Variants in CNTNAP2 observed in about 807,000 individuals in gnomAD.
CNTNAP2 encodes the protein contactin-associated protein-like 2.
In CNTNAP2, 98 loss-of-function variants were observed where a neutral mutation model predicts 155.2. The ratio of observed to expected loss-of-function variants is 0.63; its 90% confidence interval spans 0.54 to 0.75. The LOEUF is 0.75. Ranked by LOEUF, CNTNAP2 falls within the 30% of genes least tolerant of loss-of-function variation. The probability of loss-of-function intolerance (pLI) is 0.00; values close to 1 mark genes in which losing one functional copy is unlikely to be tolerated. For synonymous variants in CNTNAP2, 651 were observed against 631.2 expected, an observed-to-expected ratio of 1.03 and a Z score of -0.47; for missense variants, 1,727 against 1,688.1, an observed-to-expected ratio of 1.02 and a Z score of -0.40.
At chr7:146,475,905 T>G (rs780598187) in intron 1 of CNTNAP2, among the ~76,000 whole-genome samples, 8 of 152,132 alleles carry the variant, frequency 5.3e-5, no homozygotes, top group Admixed American at 1.3e-4. Context: ...GCTGAAGAAT[T>G]TAGTTTTCAA....
intron 12 of CNTNAP2, among the ~76,000 whole-genome samples, chr7:147,619,074 T>C (rs1801346045): frequency 6.6e-6 from 1 of 152,144 alleles, no homozygotes; most frequent in African/African-American, 2.4e-5. Context: ...TACAACAAAA[T>C]AAATTGTGAC....
chr7:147,855,427 T>G (rs960698193), intron 13 of CNTNAP2, among the ~76,000 whole-genome samples: 1 of 152,148 alleles, frequency 6.6e-6, no homozygotes, highest in Non-Finnish European at 1.5e-5. Context: ...CCTGGATGCT[T>G]CTTCTCCTAC....
chr7:146,946,785 C>A (rs962093509), intron 3 of CNTNAP2, among the ~76,000 whole-genome samples: 2 of 151,956 alleles, frequency 1.3e-5, no homozygotes, highest in African/African-American at 4.8e-5. Context: ...TCTTGGAAAG[C>A]ATTTTCTACA....
chr7:147,168,403 G>A (rs994396604), intron 8 of CNTNAP2, among the ~76,000 whole-genome samples: 11 of 151,840 alleles, frequency 7.2e-5, no homozygotes, highest in African/African-American at 2.7e-4. Flanking sequence ...AGTAAATATG[G>A]ATTTTCTCCT....
intron 1 of CNTNAP2, among the ~76,000 whole-genome samples, chr7:146,712,169 C>CT (rs1459167781): frequency 1.7e-5 from 2 of 115,030 alleles, no homozygotes; most frequent in Admixed American, 1.7e-4. Flanking sequence ...CTTATGTATA[C>CT]AAATATGTAT....
intron 13 of CNTNAP2, among the ~76,000 whole-genome samples, chr7:147,654,808 CTT>C (rs1186575442): frequency 3.1e-5 from 3 of 97,308 alleles, no homozygotes; most frequent in African/African-American, 4.4e-5. Context: ...AAATATATTT[CTT>C]TTTTTTTTTT....
chr7:148,065,730 T>C (rs1198134814), intron 15 of CNTNAP2, among the ~76,000 whole-genome samples: 1 of 152,192 alleles, frequency 6.6e-6, no homozygotes, highest in Non-Finnish European at 1.5e-5. Flanking sequence ...TGAATTCTTA[T>C]CCATTCTGCA....
At chr7:147,581,430 T>C (rs1334484150) in intron 12 of CNTNAP2, among the ~76,000 whole-genome samples, 1 of 152,238 alleles carries the variant, frequency 6.6e-6, no homozygotes, top group Non-Finnish European at 1.5e-5. Context: ...CCATGCTGTA[T>C]AGACAATTCC....
intron 1 of CNTNAP2, among the ~76,000 whole-genome samples, chr7:146,695,424 AT>A (rs974295938): frequency 6.6e-6 from 1 of 151,668 alleles, no homozygotes; most frequent in South Asian, 2.1e-4. Flanking sequence ...TTAATTAATT[AT>A]TTTTTTTGAG....
intron 13 of CNTNAP2, among the ~76,000 whole-genome samples, chr7:147,791,427 G>T (rs1797816779): frequency 1.4e-5 from 2 of 147,120 alleles, no homozygotes; most frequent in Admixed American, 6.7e-5. Context: ...TCTTTCTCTG[G>T]CCTTCTGTTT....
intron 1 of CNTNAP2, among the ~76,000 whole-genome samples, chr7:146,408,347 C>T (rs767698801): frequency 2.6e-5 from 4 of 152,024 alleles, no homozygotes; most frequent in African/African-American, 9.7e-5. Flanking sequence ...AAAATGTACA[C>T]AACAAGCAGC....
chr7:146,226,722 T>C (rs115010784), intron 1 of CNTNAP2, among the ~76,000 whole-genome samples: 2,107 of 152,116 alleles, frequency 0.014, 52 homozygotes, highest in African/African-American at 0.048. Context: ...GGAAGTAGTA[T>C]GAATGGTAGG....
At chr7:147,183,652 A>G (rs1424892812) in intron 8 of CNTNAP2, among the ~76,000 whole-genome samples, 4 of 151,944 alleles carry the variant, frequency 2.6e-5, no homozygotes, top group African/African-American at 9.7e-5. Context: ...CCTATTCCCT[A>G]TTTTCTTAGT....
intron 8 of CNTNAP2, among the ~76,000 whole-genome samples, chr7:147,254,793 T>G (rs976807321): frequency 1.3e-5 from 2 of 152,174 alleles, no homozygotes; most frequent in Admixed American, 6.5e-5. Context: ...AAATTCTCAT[T>G]GGGGGCACTG....
chr7:146,629,723 A>T (rs347216), intron 1 of CNTNAP2, among the ~76,000 whole-genome samples: 99,103 of 151,960 alleles, frequency 0.65, 33,753 homozygotes, highest in African/African-American at 0.82. Flanking sequence ...TGCAGATTAT[A>T]TGTTACATGG....
rs184689914 is a variant in CNTNAP2 at position 146,981,337 on chromosome 7, A to C, written c.403-62570A>C. Among the ~76,000 whole-genome samples, 9 of 152,350 alleles carry C rather than the reference A, an allele frequency of 5.9e-5. No homozygotes were observed. In the East Asian group the frequency reaches 1.7e-3, roughly 29 times the overall value. Reference sequence around the variant, plus strand: ...TGTAAATTTTGGGATAGAAAAATAGATGAGAACAGTAGAAAACAAGTACAT... The same window carrying C: ...TGTAAATTTTGGGATAGAAAAATAGCTGAGAACAGTAGAAAACAAGTACAT... On this transcript the variant is annotated intron_variant, in intron 3 of 23. Coordinates refer to ENST00000361727, the MANE Select transcript of CNTNAP2 (RefSeq NM_014141.6).
intron 13 of CNTNAP2, among the ~76,000 whole-genome samples, chr7:147,649,830 AG>A (rs2116939193): frequency 1.3e-5 from 2 of 152,188 alleles, no homozygotes; most frequent in South Asian, 4.1e-4. Context: ...GAATAAAAAA[AG>A]GGATAATCAT....
chr7:146,622,227 A>G lies in CNTNAP2; in HGVS notation c.98-152044A>G, dbSNP rs1799334472. ...CACACATATACACGTGTGTGTGTAT[A>G]TATATATGTGTGTGTATATCTATCT... On this transcript the variant is annotated intron_variant, in intron 1 of 23. Coordinates refer to ENST00000361727, the MANE Select transcript of CNTNAP2 (RefSeq NM_014141.6). 2.0e-5 allele frequency among the ~76,000 whole-genome samples: 3 copies of G among 148,160 alleles called. No homozygotes were observed. In the Admixed American group the frequency reaches 2.1e-4, roughly 10 times the overall value.
At chr7:148,279,088 C>A (rs1042277858) in intron 21 of CNTNAP2, among the ~76,000 whole-genome samples, 3 of 152,180 alleles carry the variant, frequency 2.0e-5, no homozygotes, top group Non-Finnish European at 4.4e-5. Flanking sequence ...TGGAGACCAT[C>A]ATGGAGAGTC....
Sources: allele counts gnomAD v4.1 joint callset (sites outside exome capture counted in the v4.1 genomes callset), GRCh38; gene constraint gnomAD v4.1.1; transcripts MANE v1.5; gene names NCBI Gene and HGNC (gene_info 2026-07-23, HGNC 2026-07-21).